The following ZNF618 variants were observed in gnomAD, a reference collection of about 807,000 sequenced individuals.
ZNF618 encodes the protein zinc finger protein 618.
In ZNF618, 34 loss-of-function variants were observed where a neutral mutation model predicts 103.0. That is an observed-to-expected ratio of 0.33 (90% CI 0.25 to 0.44). The LOEUF is 0.44. Ranked by LOEUF, ZNF618 falls within the 20% of genes least tolerant of loss-of-function variation. The pLI, the probability that ZNF618 is intolerant of heterozygous loss-of-function variation, is 1.00. For missense variants in ZNF618, 1,059 were observed against 1,295.4 expected (o/e 0.82, Z 2.80); for synonymous variants, 551 against 542.2 (o/e 1.02, Z -0.23).
intron 1 of ZNF618, among the ~76,000 whole-genome samples, chr9:113,942,937 A>C (rs1448096163): frequency 6.6e-6 from 1 of 152,136 alleles, no homozygotes; most frequent in African/African-American, 2.4e-5. Context: ...ACTTCTAATG[A>C]CTTTTTTAGC....
At chr9:113,879,851 T>C (rs967894347) in intron 1 of ZNF618, among the ~76,000 whole-genome samples, 7 of 152,210 alleles carry the variant, frequency 4.6e-5, no homozygotes, top group Middle Eastern at 3.4e-3. Flanking sequence ...AGTTTGACTT[T>C]GGAGCAAGCT....
At chr9:113,898,511 T>C (rs959706650) in intron 1 of ZNF618, among the ~76,000 whole-genome samples, 10 of 151,274 alleles carry the variant, frequency 6.6e-5, no homozygotes, top group Middle Eastern at 3.4e-3. Flanking sequence ...CCTGCAGCCT[T>C]GAACTCCTGG....
chr9:114,051,216 C>T lies in ZNF618; in HGVS notation c.*1049C>T, dbSNP rs769947086. 6.6e-6 allele frequency: 1 copy of T among 152,630 alleles called. No homozygotes were observed. The highest frequency in any genetic ancestry group is 1.5e-5 in the Non-Finnish European group (1 of 68,082). The allele number at this position is 152,630 out of a possible 1,614,324, so 9.5% of individuals were successfully genotyped here. On this transcript the variant is annotated 3_prime_UTR_variant, in exon 15 of 15. Coordinates refer to ENST00000374126, the MANE Select transcript of ZNF618 (RefSeq NM_001318042.2). ...TTTGTTCCTCAAGTCACACTGTAAA[C>T]TAGCTCATCTCTGTGGTGTACTCAG...
chr9:114,008,264 G>C (rs1841929877), intron 7 of ZNF618, 80 bp from the exon 8 acceptor site: 21 of 1,584,008 alleles, frequency 1.3e-5, no homozygotes, highest in Non-Finnish European at 1.7e-5. Context: ...AGCAGTGGCA[G>C]AGGCAGCTCT....
chr9:114,038,194 T>C (rs1289793216), intron 13 of ZNF618, among the ~76,000 whole-genome samples: 1 of 152,170 alleles, frequency 6.6e-6, no homozygotes, highest in Non-Finnish European at 1.5e-5. Flanking sequence ...CCTTCTGCAC[T>C]CCTCCTCTGA....
intron 1 of ZNF618, among the ~76,000 whole-genome samples, chr9:113,954,295 TG>T (rs1836044100): frequency 6.6e-6 from 1 of 152,020 alleles, no homozygotes; most frequent in Non-Finnish European, 1.5e-5. Flanking sequence ...GCTTCTAGAG[TG>T]TCCACTGGGT....
chr9:113,935,487 G>C (rs1833950332), intron 1 of ZNF618, among the ~76,000 whole-genome samples: 1 of 152,142 alleles, frequency 6.6e-6, no homozygotes, highest in Non-Finnish European at 1.5e-5. Context: ...CCTGGCCCTG[G>C]AAACACCATG....
intron 9 of ZNF618, among the ~76,000 whole-genome samples, chr9:114,010,497 G>A (rs1842141630): frequency 6.6e-6 from 1 of 151,862 alleles, no homozygotes; most frequent in South Asian, 2.1e-4. Context: ...ACAAGGTCAG[G>A]AGATTGAGAC....
At position 113,998,298 on chromosome 9, in the gene ZNF618, T is replaced by C; in HGVS notation, c.377T>C (p.Val126Ala). 1.3e-6 allele frequency: 2 copies of C among 1,550,608 alleles called. No individual in the cohort carries two copies. Among genetic ancestry groups the C allele is most frequent in the Non-Finnish European group, 1.7e-6 (2 of 1,146,994 alleles). The change falls in exon 4 of 15, where the codon GTG becomes GCG. Residue 126 changes from valine to alanine, a missense_variant. Val to Ala is a moderately conservative substitution (Grantham distance 64). Around this residue, in one of 6 missense-constraint regions of ZNF618, gnomAD observed 194 missense variants for 209.0 expected, o/e 0.93. Transcript: ENST00000374126. Reference protein sequence around the residue: ...APEGSPHGGSVRSRYSGTWIF... With the variant: ...APEGSPHGGSARSRYSGTWIF... ...GAAGGCAGCCCCCACGGTGGATCTG[T>C]GCGAAGCCGGTATTCAGGGACCTGG...
chr9:113,939,624 T>G (rs1266866040), intron 1 of ZNF618, among the ~76,000 whole-genome samples: 1 of 152,142 alleles, frequency 6.6e-6, no homozygotes, highest in Non-Finnish European at 1.5e-5. Context: ...TTTTAATAAT[T>G]CAAATTTCTT....
At chr9:113,949,745 G>A (rs1028052883) in intron 1 of ZNF618, among the ~76,000 whole-genome samples, 8 of 152,254 alleles carry the variant, frequency 5.3e-5, no homozygotes, top group East Asian at 1.9e-4. Context: ...CGATGTGTAA[G>A]TGTGTCACTG....
Position 114,048,613 on chromosome 9 carries a change from C to T in ZNF618, c.1349-38C>T, listed in dbSNP as rs572248929. 8.3e-6 allele frequency: 13 copies of T among 1,572,020 alleles called. No individual in the cohort carries two copies. The Admixed American group carries it at 2.1e-4, about 25-fold the overall frequency. On this transcript the variant is annotated intron_variant, in intron 14 of 14. Coordinates refer to ENST00000374126, the MANE Select transcript of ZNF618 (RefSeq NM_001318042.2). The stretch of plus-strand genomic sequence containing the variant: ...CTGCCACTCCAAGCAGCCTTGAATG[C>T]CAGAATTAATCCCATCTGTCTTTGT...
chr9:113,904,772 G>A (rs139730366), intron 1 of ZNF618, among the ~76,000 whole-genome samples: 1 of 152,134 alleles, frequency 6.6e-6, no homozygotes, highest in Non-Finnish European at 1.5e-5. Context: ...TTGGCCCATG[G>A]CTTCTTCATC....
At chr9:114,029,611 C>T (rs1166148334) in intron 11 of ZNF618, among the ~76,000 whole-genome samples, 1 of 151,938 alleles carries the variant, frequency 6.6e-6, no homozygotes, top group African/African-American at 2.4e-5. Context: ...GTTTGCATCT[C>T]CCACCTTTCA....
chr9:114,025,538 A>C (rs146436119), intron 10 of ZNF618, among the ~76,000 whole-genome samples: 1 of 152,170 alleles, frequency 6.6e-6, no homozygotes. Context: ...AGACTCTTTC[A>C]TGCTTTCTCA....
chr9:113,918,843 G>A (rs544866303), intron 1 of ZNF618, among the ~76,000 whole-genome samples: 23 of 152,240 alleles, frequency 1.5e-4, no homozygotes, highest in Non-Finnish European at 2.5e-4. Context: ...CAGAGCAAAG[G>A]TTTTTGTCTG....
chr9:114,012,558 A>G (rs1485479110), intron 9 of ZNF618, among the ~76,000 whole-genome samples: 1 of 152,214 alleles, frequency 6.6e-6, no homozygotes, highest in Non-Finnish European at 1.5e-5. Context: ...GACCCCTGTG[A>G]AAAGGGAGCC....
chr9:113,929,839 C>T (rs923256106), intron 1 of ZNF618, among the ~76,000 whole-genome samples: 2 of 152,172 alleles, frequency 1.3e-5, no homozygotes, highest in Non-Finnish European at 2.9e-5. Context: ...CAGTACTTCC[C>T]GATGCCAGCT....
intron 10 of ZNF618, among the ~76,000 whole-genome samples, chr9:114,018,419 G>A (rs1842814098): frequency 6.6e-6 from 1 of 152,278 alleles, no homozygotes; most frequent in Non-Finnish European, 1.5e-5. Flanking sequence ...GCCCAGGCTG[G>A]ATGCTACCCA....
Sources: gnomAD v4.1 joint callset for allele counts (sites outside exome capture counted in the v4.1 genomes callset) on GRCh38, gnomAD v4.1.1 for gene constraint, gnomAD v4.1.1 regional missense constraint, MANE v1.5 for transcripts, NCBI Gene and HGNC (gene_info 2026-07-23, HGNC 2026-07-21) for gene names.